RAD54L2: variants seen among roughly 807,000 people sequenced by gnomAD.
RAD54L2 encodes the protein helicase ARIP4.
In RAD54L2, 27 loss-of-function variants were observed where a neutral mutation model predicts 138.4. The observed-to-expected ratio is 0.20, with a 90% CI of 0.14 to 0.27. The LOEUF (loss-of-function observed/expected upper bound fraction) is 0.27, where lower values mean the gene tolerates loss of function less well. RAD54L2 is among the 10% of genes least tolerant of loss of function. The probability of loss-of-function intolerance (pLI) is 1.00; values close to 1 mark genes in which losing one functional copy is unlikely to be tolerated. For missense variants in RAD54L2, 1,396 were observed against 1,890.2 expected, an observed-to-expected ratio of 0.74 and a Z score of 4.85; for synonymous variants, 644 against 723.2, an observed-to-expected ratio of 0.89 and a Z score of 1.76.
chr3:51,633,350 A>G (rs1199918265), intron 7 of RAD54L2, among the ~76,000 whole-genome samples: 3 of 152,226 alleles, frequency 2.0e-5, no homozygotes, highest in African/African-American at 7.2e-5. Context: ...TTCATGCATT[A>G]CATGGGGTGT....
chr3:51,639,895 G>T lies in RAD54L2; in HGVS notation c.2127G>T (p.Leu709=). 1 of 1,606,698 alleles carries T rather than the reference G, an allele frequency of 6.2e-7. No homozygotes were observed. Among genetic ancestry groups the T allele is most frequent in the South Asian group, 1.1e-5 (1 of 90,128 alleles). The part of the protein sequence containing the change: ...IVTYEWAKDL[L]TNYQTGVLEN... ...CTCTCTTGCAGGCCAAGGACCTTCT[G>T]ACTAATTACCAGACTGGAGTCCTAG... Residue 709 remains leucine (L), a synonymous_variant, in exon 14 of 23, where the codon CTG becomes CTT. Coordinates refer to ENST00000684192, the MANE Select transcript of RAD54L2 (RefSeq NM_015106.4).
chr3:51,593,738 C>G (rs77812212), intron 3 of RAD54L2, among the ~76,000 whole-genome samples: 2 of 152,120 alleles, frequency 1.3e-5, no homozygotes, highest in African/African-American at 4.8e-5. Flanking sequence ...TTATTCTTTT[C>G]AAAAAACTGT....
intron 2 of RAD54L2, among the ~76,000 whole-genome samples, chr3:51,587,199 C>T (rs1270392897): frequency 6.6e-6 from 1 of 151,820 alleles, no homozygotes; most frequent in Non-Finnish European, 1.5e-5. Flanking sequence ...CTCCCGGGTT[C>T]ACGCCATTCT....
chr3:51,625,279 G>A (rs879763643), intron 3 of RAD54L2, among the ~76,000 whole-genome samples: 6 of 151,928 alleles, frequency 3.9e-5, no homozygotes, highest in East Asian at 1.9e-4. Context: ...TTAGCTGGGC[G>A]TGGTGGCACG....
rs1160576799 is a variant in RAD54L2, at chr3:51,657,646, T to C, written c.3293T>C (p.Ile1098Thr). 6.3e-7 allele frequency: 1 copy of C among 1,576,942 alleles called. No homozygotes were observed. Among genetic ancestry groups the C allele is most frequent in the East Asian group, 2.3e-5 (1 of 43,618 alleles). ...VQARINAGES[I>T]HIIRGTKGTY... ...GCAAGAATTAATGCTGGTGAGAGCA[T>C]CCACATCATCCGTGGGACAAAAGGT... The change falls in exon 21 of 23, where the codon ATC (isoleucine) becomes ACC (threonine). Residue 1098 changes from isoleucine to threonine, a missense_variant. Ile to Thr is a moderately conservative substitution (Grantham distance 89, BLOSUM62 -1). This residue lies in a region of RAD54L2 where 634 missense variants were observed against 711.2 expected (regional missense o/e 0.89). Coordinates refer to ENST00000684192, the MANE Select transcript of RAD54L2 (RefSeq NM_015106.4).
intron 21 of RAD54L2, among the ~76,000 whole-genome samples, chr3:51,658,506 G>C (rs1031538351): frequency 1.3e-5 from 2 of 152,118 alleles, no homozygotes; most frequent in Non-Finnish European, 2.9e-5. Context: ...AAAAAGCTGG[G>C]CTAAACAGTA....
intron 2 of RAD54L2, among the ~76,000 whole-genome samples, chr3:51,560,469 C>G (rs541737683): frequency 1.3e-5 from 2 of 151,546 alleles, no homozygotes; most frequent in Admixed American, 1.3e-4. Context: ...ACGCCATTCT[C>G]CTTCCTCAGC....
At chr3:51,566,465 C>CG (rs1699219450) in intron 2 of RAD54L2, among the ~76,000 whole-genome samples, 1 of 41,466 alleles carries the variant, frequency 2.4e-5, no homozygotes, top group African/African-American at 1.1e-4. Context: ...GCCTTTTCTG[C>CG]GTTTTTTTTT....
chr3:51,590,556 G>T lies in RAD54L2; in HGVS notation c.136G>T (p.Asp46Tyr). Reference sequence around the variant, plus strand: ...CAGGGATGATGAAGAAGACCTGCTGGATGGTAAGTGGGCTCTATTGAGTGA... The same window carrying T: ...CAGGGATGATGAAGAAGACCTGCTGTATGGTAAGTGGGCTCTATTGAGTGA... ...CDRDDEEDLL[D>Y]DPSLEGMCGT... Residue 46 changes from aspartate to tyrosine, a missense_variant, in exon 3 of 23, where the codon GAT (aspartate) becomes TAT (tyrosine). Around this residue, in one of 7 missense-constraint regions of RAD54L2, gnomAD observed 256 missense variants for 344.6 expected, o/e 0.74. Transcript: ENST00000684192. 6.4e-7 allele frequency: 1 copy of T among 1,552,386 alleles called. No homozygotes were observed. The highest frequency in any genetic ancestry group is 8.7e-7 in the Non-Finnish European group (1 of 1,147,168).
At chr3:51,563,452 G>A (rs1699144270) in intron 2 of RAD54L2, among the ~76,000 whole-genome samples, 1 of 152,080 alleles carries the variant, frequency 6.6e-6, no homozygotes, top group South Asian at 2.1e-4. Context: ...TGCTTTCCAA[G>A]TATTGGTTCT....
intron 5 of RAD54L2, among the ~76,000 whole-genome samples, chr3:51,629,863 A>G (rs1221477505): frequency 6.6e-6 from 1 of 152,144 alleles, no homozygotes; most frequent in Non-Finnish European, 1.5e-5. Flanking sequence ...ACTCTATCTC[A>G]AAAAAATAAA....
chr3:51,604,216 G>A (rs555060594), intron 3 of RAD54L2, among the ~76,000 whole-genome samples: 1 of 152,142 alleles, frequency 6.6e-6, no homozygotes, highest in African/African-American at 2.4e-5. Flanking sequence ...GGAAGATTGT[G>A]GGGGAGGTAC....
intron 3 of RAD54L2, among the ~76,000 whole-genome samples, chr3:51,621,818 C>G (rs1700576360): frequency 6.6e-6 from 1 of 152,176 alleles, no homozygotes; most frequent in Non-Finnish European, 1.5e-5. Context: ...TTGAAGTGTG[C>G]CAACCCAGCC....
rs746027858 is a variant in RAD54L2 at position 51,662,461 on chromosome 3, G to A, written c.3445G>A (p.Gly1149Ser). The stretch of plus-strand genomic sequence containing the variant: ...ACCTTCTTGCGAGTCCACAAGCAAC[G>A]GCAGACACAGTGCCTCATCACCCAA... ...QGPSCESTSNGRHSASSPKAP... is the reference protein window; with the variant it reads ...QGPSCESTSNSRHSASSPKAP... Residue 1149 changes from glycine to serine, a missense_variant, in exon 23 of 23, where the codon GGC becomes AGC. Gly to Ser is a moderately conservative substitution (Grantham distance 56). Around this residue, in one of 7 missense-constraint regions of RAD54L2, gnomAD observed 634 missense variants for 711.2 expected, o/e 0.89. Transcript: ENST00000684192. The surrounding 1 kb of genome is among the most constrained non-coding windows in gnomAD (Gnocchi z 4.6). The A allele has an allele frequency of 2.6e-6, 4 of 1,556,376 alleles. No homozygotes were observed. Among genetic ancestry groups the A allele is most frequent in the Admixed American group, 2.0e-5 (1 of 49,872 alleles).
chr3:51,547,718 A>G (rs1698731517), intron 2 of RAD54L2, among the ~76,000 whole-genome samples: 1 of 151,432 alleles, frequency 6.6e-6, no homozygotes, highest in Non-Finnish European at 1.5e-5. Context: ...AGTAGCTAGG[A>G]CTAATGGCAT....
intron 2 of RAD54L2, among the ~76,000 whole-genome samples, chr3:51,546,030 C>T (rs1553672200): frequency 1.3e-5 from 2 of 150,142 alleles, no homozygotes; most frequent in Non-Finnish European, 3.0e-5. Flanking sequence ...CCTCTGCCTC[C>T]TGGGTTCAAG....
At chr3:51,649,589 A>G (rs1701375131) in intron 19 of RAD54L2, among the ~76,000 whole-genome samples, 1 of 152,206 alleles carries the variant, frequency 6.6e-6, no homozygotes, top group Non-Finnish European at 1.5e-5. Context: ...TCAGACTAAC[A>G]GTGGATCTCT....
chr3:51,639,577 C>T lies in RAD54L2; in HGVS notation c.2019C>T (p.Ser673=), dbSNP rs1319141405. The T allele has an allele frequency of 6.2e-7, 1 of 1,613,958 alleles. No individual in the cohort carries two copies. The part of the protein sequence containing the change: ...KGKGEDSTLA[S]SMGEATNSKF... Reference sequence around the variant, plus strand: ...AGGGAGAGGATAGCACCTTGGCTTCCTCGATGGGAGAGGCAACCAATAGCA... The same window carrying T: ...AGGGAGAGGATAGCACCTTGGCTTCTTCGATGGGAGAGGCAACCAATAGCA... The change falls in exon 13 of 23, where the codon TCC becomes TCT. Residue 673 remains serine (S), a synonymous_variant. Transcript: ENST00000684192.
intron 14 of RAD54L2, among the ~76,000 whole-genome samples, chr3:51,640,960 C>T (rs1701118114): frequency 6.6e-6 from 1 of 152,044 alleles, no homozygotes; most frequent in Non-Finnish European, 1.5e-5. Flanking sequence ...AGGAAGGATA[C>T]CCTTGGTTGT....
Sources: allele counts gnomAD v4.1 joint callset (sites outside exome capture counted in the v4.1 genomes callset), GRCh38; gene constraint gnomAD v4.1.1; regional missense constraint gnomAD v4.1.1; non-coding constraint Gnocchi (gnomAD v3.1); transcripts MANE v1.5; gene names NCBI Gene and HGNC (gene_info 2026-07-23, HGNC 2026-07-21).